OLFM3: variants seen among roughly 807,000 people sequenced by gnomAD.
OLFM3 encodes the protein olfactomedin 3, also known as noelin-3.
OLFM3 carries 20 observed loss-of-function variants against 48.6 expected under a neutral mutation model. That is an observed-to-expected ratio of 0.41 (90% CI 0.29 to 0.60). The LOEUF is 0.60. Among genes scored for constraint, OLFM3 ranks in the 20% least tolerant of loss-of-function variants. The pLI is 0.28. For missense variants in OLFM3, 437 were observed against 544.3 expected (o/e 0.80, Z 1.96); for synonymous variants, 222 against 198.1 (o/e 1.12, Z -1.01).
chr1:101,840,222 A>G (rs190070366), intron 1 of OLFM3, among the ~76,000 whole-genome samples: 3 of 152,342 alleles, frequency 2.0e-5, no homozygotes, highest in East Asian at 3.9e-4. Context: ...TGCAACAGGA[A>G]TAGCAATCAT....
At chr1:101,817,477 A>T (rs574301583) in intron 4 of OLFM3, among the ~76,000 whole-genome samples, 2 of 152,148 alleles carry the variant, frequency 1.3e-5, no homozygotes, top group Non-Finnish European at 2.9e-5. Context: ...TGGACTTTAA[A>T]TTTCTTATAG....
At chr1:101,871,011 ACAGAG>A (rs1413630476) in intron 1 of OLFM3, among the ~76,000 whole-genome samples, 2 of 152,242 alleles carry the variant, frequency 1.3e-5, no homozygotes, top group Admixed American at 6.5e-5. Context: ...AGAAATTTAG[ACAGAG>A]CAGAGTAATA....
At chr1:101,995,447 A>G (rs1265270526) in intron 1 of OLFM3, among the ~76,000 whole-genome samples, 1 of 152,156 alleles carries the variant, frequency 6.6e-6, no homozygotes, top group Non-Finnish European at 1.5e-5. Context: ...GATTATTAAG[A>G]TGACATTCAC....
rs188934729 is a variant in OLFM3, at chr1:101,884,458, G to T, written c.70-47433C>A. On this transcript the variant is annotated intron_variant, in intron 1 of 5. Coordinates refer to ENST00000370103, the MANE Select transcript of OLFM3 (RefSeq NM_058170.4). The stretch of plus-strand genomic sequence containing the variant: ...CCTTTCTGAACCTGTTTTTAATGCA[G>T]GGATAAGTGCCCTATTCTGAAAAAC... Among the ~76,000 whole-genome samples, 272 of 151,794 alleles carry T rather than the reference G, an allele frequency of 1.8e-3. 3 individuals are homozygous for T. The highest frequency in any genetic ancestry group is 6.3e-3 in the African/African-American group (260 of 41,426).
intron 1 of OLFM3, among the ~76,000 whole-genome samples, chr1:101,922,120 A>T (rs78438541): frequency 0.068 from 10,389 of 152,154 alleles, 674 homozygotes; most frequent in African/African-American, 0.17. Flanking sequence ...TGTGGTCTCC[A>T]CAGACAGATT....
At chr1:101,907,142 T>C (rs1234786472) in intron 1 of OLFM3, among the ~76,000 whole-genome samples, 1 of 152,190 alleles carries the variant, frequency 6.6e-6, no homozygotes, top group African/African-American at 2.4e-5. Context: ...CAATGAAAGA[T>C]TTTAGCATTT....
At chr1:101,860,846 CT>C (rs796804863) in intron 1 of OLFM3, among the ~76,000 whole-genome samples, 66 of 152,046 alleles carry the variant, frequency 4.3e-4, no homozygotes, top group African/African-American at 1.4e-3. Context: ...AAAACACATA[CT>C]TTTGATAACT....
chr1:101,892,770 T>C (rs1260397562), intron 1 of OLFM3, among the ~76,000 whole-genome samples: 1 of 152,090 alleles, frequency 6.6e-6, no homozygotes, highest in Admixed American at 6.6e-5. Flanking sequence ...AGCATTATCG[T>C]AGCCTGGGCA....
At chr1:101,834,313 C>T (rs1655299007) in intron 2 of OLFM3, among the ~76,000 whole-genome samples, 1 of 152,120 alleles carries the variant, frequency 6.6e-6, no homozygotes, top group Non-Finnish European at 1.5e-5. Context: ...ACTATCCCTT[C>T]TATAAGGATT....
rs190335445 is a variant in OLFM3 at position 101,899,086 on chromosome 1, T to A, written c.70-62061A>T. Among the ~76,000 whole-genome samples, 486 of 152,302 alleles carry A rather than the reference T, an allele frequency of 3.2e-3. 4 individuals are homozygous for A. Among genetic ancestry groups the A allele is most frequent in the African/African-American group, 0.011 (456 of 41,554 alleles). On this transcript the variant is annotated intron_variant, in intron 1 of 5. Coordinates refer to ENST00000370103, the MANE Select transcript of OLFM3 (RefSeq NM_058170.4). The stretch of plus-strand genomic sequence containing the variant: ...ACAGTTTCCGTGCCAGGAATCTGGG[T>A]ACAGCTCAGCTGGGAGGCTCTACCT...
intron 1 of OLFM3, among the ~76,000 whole-genome samples, chr1:101,986,067 G>A (rs1033701840): frequency 4.0e-5 from 6 of 150,880 alleles, no homozygotes; most frequent in East Asian, 3.9e-4. Context: ...CCGGGTTCAC[G>A]CCATTCTCCT....
chr1:101,836,994 A>C lies in OLFM3; in HGVS notation c.101T>G (p.Val34Gly), dbSNP rs944084641. 2 of 1,614,040 alleles carry C rather than the reference A, an allele frequency of 1.2e-6. No homozygotes were observed. The highest frequency in any genetic ancestry group is 1.7e-6 in the Non-Finnish European group (2 of 1,179,950). The change falls in exon 2 of 6, where the codon GTG (valine) becomes GGG (glycine). Residue 34 changes from valine to glycine, a missense_variant. Val to Gly is a moderately radical substitution (Grantham distance 109). This residue lies in a region of OLFM3 where 314 missense variants were observed against 365.5 expected (regional missense o/e 0.86). Transcript: ENST00000370103. The part of the protein sequence containing the change: ...TQISPKEGWQ[V>G]YSSAQDPDGR... ...ATCAGGATCCTGAGCTGAGCTGTACACCTGCCACCCTTCTTTAGGACTAAT... is the reference window on the plus strand; with the variant it reads ...ATCAGGATCCTGAGCTGAGCTGTACCCCTGCCACCCTTCTTTAGGACTAAT...
intron 1 of OLFM3, among the ~76,000 whole-genome samples, chr1:101,921,224 C>CACACACACAG (rs1659084925): frequency 6.6e-6 from 1 of 151,836 alleles, no homozygotes; most frequent in African/African-American, 2.4e-5. Context: ...CACACACACA[C>CACACACACAG]ACACACACAA....
chr1:101,996,557 C>T (rs1218202146), intron 1 of OLFM3, among the ~76,000 whole-genome samples, 191 bp downstream of exon 1: 1 of 152,144 alleles, frequency 6.6e-6, no homozygotes, highest in African/African-American at 2.4e-5. Flanking sequence ...CGCAGTAGGA[C>T]TCTACCTTGA....
At chr1:101,900,487 G>A (rs1328788498) in intron 1 of OLFM3, among the ~76,000 whole-genome samples, 1 of 152,124 alleles carries the variant, frequency 6.6e-6, no homozygotes, top group Non-Finnish European at 1.5e-5. Flanking sequence ...GACAGCTCAT[G>A]ATCTGGCATA....
chr1:101,818,263 T>C (rs1248587916), intron 4 of OLFM3, among the ~76,000 whole-genome samples: 4 of 152,054 alleles, frequency 2.6e-5, no homozygotes, highest in African/African-American at 9.7e-5. Flanking sequence ...TTTATATTAT[T>C]AAGAGGCTCA....
At chr1:101,884,467 G>A (rs1657662807) in intron 1 of OLFM3, among the ~76,000 whole-genome samples, 1 of 151,504 alleles carries the variant, frequency 6.6e-6, no homozygotes, top group Non-Finnish European at 1.5e-5. Context: ...AGGGATAAGT[G>A]CCCTATTCTG....
rs948356235 is a variant in OLFM3 at position 101,825,131 on chromosome 1, C to G, written c.487G>C (p.Val163Leu). ...ATTTCCTCCTGAATACCAGTGAGGA[C>G]AGCAGACAGATTCCTTATTTCCTCC... ...FKEEIRNLSA[V>L]LTGIQEEIGA... Residue 163 changes from valine to leucine, a missense_variant, in exon 4 of 6, where the codon GTC becomes CTC. By Grantham distance (32) the Val-to-Leu change is conservative. This residue lies in a region of OLFM3 where 314 missense variants were observed against 365.5 expected (regional missense o/e 0.86). Transcript: ENST00000370103. 1.3e-5 allele frequency: 21 copies of G among 1,613,872 alleles called. No individual in the cohort carries two copies. Among genetic ancestry groups the G allele is most frequent in the Non-Finnish European group, 1.8e-5 (21 of 1,179,898 alleles).
chr1:101,869,734 T>A (rs929811607), intron 1 of OLFM3, among the ~76,000 whole-genome samples: 1 of 152,146 alleles, frequency 6.6e-6, no homozygotes, highest in Non-Finnish European at 1.5e-5. Context: ...GGTAATTGAA[T>A]CATGGGGGCA....
Sources: gnomAD v4.1 joint callset for allele counts (sites outside exome capture counted in the v4.1 genomes callset) on GRCh38, gnomAD v4.1.1 for gene constraint, gnomAD v4.1.1 regional missense constraint, MANE v1.5 for transcripts, NCBI Gene and HGNC (gene_info 2026-07-23, HGNC 2026-07-21) for gene names.